The following INSL4 variants were observed in gnomAD, a reference collection of about 807,000 sequenced individuals.
INSL4 encodes early placenta insulin-like peptide.
INSL4 carries 7 observed loss-of-function variants against 6.5 expected under a neutral mutation model. The ratio of observed to expected loss-of-function variants is 1.08; its 90% CI spans 0.61 to 2.02. The LOEUF (loss-of-function observed/expected upper bound fraction) is 2.02, where lower values mean the gene tolerates loss of function less well. Among genes scored for constraint, INSL4 ranks in the 30% most tolerant of loss-of-function variants. INSL4 has a pLI of 0.00. For missense variants in INSL4, 226 were observed against 163.2 expected, an observed-to-expected ratio of 1.38 and a Z score of -2.09; for synonymous variants, 82 against 65.8, an observed-to-expected ratio of 1.25 and a Z score of -1.19.
rs903544950 is a variant in INSL4, at chr9:5,234,188, T to C, written c.*311T>C. 6.7e-6 allele frequency: 2 copies of C among 296,952 alleles called. No homozygotes were observed. Among genetic ancestry groups the C allele is most frequent in the African/African-American group, 4.4e-5 (2 of 45,880 alleles). The allele number at this position is 296,952 out of a possible 1,614,324, so 18.4% of individuals were successfully genotyped here. ...AAAGATGAATGTTAGTTTGGATGCA[T>C]ATCCCAATTACCCTGATTTGATCAT... On this transcript the variant is annotated 3_prime_UTR_variant, in exon 2 of 2. Coordinates refer to ENST00000239316, the MANE Select transcript of INSL4 (RefSeq NM_002195.2).
At chr9:5,232,975 A>G (rs1826170394) in intron 1 of INSL4, among the ~76,000 whole-genome samples, 1 of 152,176 alleles carries the variant, frequency 6.6e-6, no homozygotes, top group African/African-American at 2.4e-5. Flanking sequence ...TCATTTTACT[A>G]TAAAATAAGG....
In INSL4 at chr9:5,231,535, G is replaced by A. The variant is rs1230472874; in HGVS notation, c.12G>A (p.Leu4=). ...AGTTCAGGTCCAGGATGGCCAGCCT[G>A]TTCCGGTCCTATCTGCCAGCAATCT... is the stretch of plus-strand genomic sequence containing the variant. The part of the protein sequence containing the change: MAS[L]FRSYLPAIWL... Residue 4 remains leucine, a synonymous_variant, in exon 1 of 2, where the codon CTG becomes CTA. Coordinates refer to ENST00000239316, the MANE Select transcript of INSL4 (RefSeq NM_002195.2). The A allele has an allele frequency of 3.1e-6, 5 of 1,612,884 alleles. No individual in the cohort carries two copies. Among genetic ancestry groups the A allele is most frequent in the Non-Finnish European group, 4.2e-6 (5 of 1,179,734 alleles).
chr9:5,233,165 G>A (rs1214255500), intron 1 of INSL4, among the ~76,000 whole-genome samples: 4 of 152,060 alleles, frequency 2.6e-5, no homozygotes, highest in African/African-American at 9.7e-5. Context: ...GATAACAAAT[G>A]TTAACATTTG....
rs756259575 is a variant in INSL4 at position 5,233,763 on chromosome 9, A to T, written c.306A>T (p.Pro102=). 9.9e-6 allele frequency: 16 copies of T among 1,613,718 alleles called. No homozygotes were observed. Among genetic ancestry groups the T allele is most frequent in the Non-Finnish European group, 1.4e-5 (16 of 1,179,722 alleles). The part of the protein sequence containing the change: ...ELKKPLSEGQ[P]SLKKIILSRK... ...AGAAACCACTGTCTGAAGGGCAGCC[A>T]TCATTGAAGAAAATAATACTTTCCC... is the stretch of plus-strand genomic sequence containing the variant. The change falls in exon 2 of 2, where the codon CCA becomes CCT. Residue 102 remains proline, a synonymous_variant. Transcript: ENST00000239316.
intron 1 of INSL4, 62 bp downstream of exon 1, chr9:5,231,781 A>G: frequency 7.0e-7 from 1 of 1,432,056 alleles, no homozygotes; most frequent in Non-Finnish European, 9.7e-7. Context: ...TCCAGATCTC[A>G]TTGACTGCCT....
intron 1 of INSL4, among the ~76,000 whole-genome samples, chr9:5,233,361 G>T (rs1015279112): frequency 1.3e-5 from 2 of 152,126 alleles, no homozygotes; most frequent in African/African-American, 2.4e-5. Context: ...AATCAAAACA[G>T]TGTCAGGGAG....
chr9:5,232,507 G>A (rs1826163256), intron 1 of INSL4, among the ~76,000 whole-genome samples: 1 of 152,076 alleles, frequency 6.6e-6, no homozygotes, highest in Admixed American at 6.6e-5. Flanking sequence ...CATCATAGCT[G>A]ATTTGATTAG....
intron 1 of INSL4, 53 bp downstream of exon 1, chr9:5,231,772 C>T: frequency 2.0e-6 from 3 of 1,514,304 alleles, no homozygotes; most frequent in Non-Finnish European, 2.7e-6. Context: ...AAAACAGGCT[C>T]CAGATCTCAT....
intron 1 of INSL4, 75 bp downstream of exon 1, chr9:5,231,794 A>G: frequency 7.6e-7 from 1 of 1,307,294 alleles, no homozygotes; most frequent in Non-Finnish European, 1.1e-6. Context: ...GACTGCCTGT[A>G]GTCAACTCAG....
rs1458609317 is a variant in INSL4 at position 5,234,531 on chromosome 9, A to G, written c.*654A>G. 3 of 152,708 alleles carry G rather than the reference A, an allele frequency of 2.0e-5. No individual in the cohort carries two copies. The highest frequency in any genetic ancestry group is 1.3e-4 in the Admixed American group (2 of 15,260). 9.5% of individuals were successfully genotyped at this position (152,708 alleles called of 1,614,324 possible). ...AGAGACCTCCCTAGAACTTTGCCCA[A>G]TGCATATCCTCCACCTGCCTCTCAG... On this transcript the variant is annotated 3_prime_UTR_variant, in exon 2 of 2. Coordinates refer to ENST00000239316, the MANE Select transcript of INSL4 (RefSeq NM_002195.2).
At position 5,231,711 on chromosome 9, in the gene INSL4, G is replaced by C. The variant is rs202152936; in HGVS notation, c.188G>C (p.Arg63Pro). 6.2e-7 allele frequency: 1 copy of C among 1,613,378 alleles called. No homozygotes were observed. The highest frequency in any genetic ancestry group is 1.1e-5 in the South Asian group (1 of 91,040). Reference protein sequence around the residue: ...TPGGWLLESGRPKEMVSTSNN... With the variant: ...TPGGWLLESGPPKEMVSTSNN... ...GGAGGGTGGCTGCTGGAATCTGGAC[G>C]TCCCAAAGGTGAGAGCCCTGGACTA... Residue 63 changes from arginine to proline, a missense_variant, in exon 1 of 2, where the codon CGT becomes CCT. Transcript: ENST00000239316.
Position 5,231,729 on chromosome 9 carries a change from C to T in INSL4, c.196+10C>T. 6.2e-7 allele frequency: 1 copy of T among 1,611,678 alleles called. No homozygotes were observed. The highest frequency in any genetic ancestry group is 8.5e-7 in the Non-Finnish European group (1 of 1,178,490). ...TCTGGACGTCCCAAAGGTGAGAGCCCTGGACTACCAAACAATCAGAATGAG... is the reference window on the plus strand; with the variant it reads ...TCTGGACGTCCCAAAGGTGAGAGCCTTGGACTACCAAACAATCAGAATGAG... On this transcript the variant is annotated intron_variant, in intron 1 of 1. Transcript: ENST00000239316.
At chr9:5,233,548 T>C (rs1302933414) in intron 1 of INSL4, 106 bp from the exon 2 acceptor site, 2 of 733,638 alleles carry the variant, frequency 2.7e-6, no homozygotes, top group Admixed American at 5.0e-5. Context: ...TTTAATTACA[T>C]GGAGGCAATG....
Position 5,233,705 on chromosome 9 carries a change from C to A in INSL4, c.248C>A (p.Ser83Ter). 6.2e-7 allele frequency: 1 copy of A among 1,613,698 alleles called. No individual in the cohort carries two copies. The highest frequency in any genetic ancestry group is 8.5e-7 in the Non-Finnish European group (1 of 1,179,748). ...GATGGACAAGCCTTAGGTACGACAT[C>A]AGAATTCATTCCTAATTTGTCACCA... ...NKDGQALGTT[S>*]EFIPNLSPEL... The change falls in exon 2 of 2, where the codon TCA (serine) becomes TAA (stop). Residue 83 changes from serine (S) to a stop codon, truncating the protein, a stop_gained. Coordinates refer to ENST00000239316, the MANE Select transcript of INSL4 (RefSeq NM_002195.2). LOFTEE classifies it low-confidence loss of function (END_TRUNC).
At position 5,235,056 on chromosome 9, in the gene INSL4, A is replaced by C. The variant is rs1421675571; in HGVS notation, c.*1179A>C. On this transcript the variant is annotated 3_prime_UTR_variant, in exon 2 of 2. Transcript: ENST00000239316. Reference sequence around the variant, plus strand: ...ATTTCCCTAAGGAAACTGATGGCTGATCTGCATCTTGAAAGACATCTAAGC... The same window carrying C: ...ATTTCCCTAAGGAAACTGATGGCTGCTCTGCATCTTGAAAGACATCTAAGC... The C allele has an allele frequency of 1.3e-5, 2 of 152,468 alleles. No homozygotes were observed. The highest frequency in any genetic ancestry group is 4.8e-5 in the African/African-American group (2 of 41,444). 9.4% of individuals were successfully genotyped at this position (152,468 alleles called of 1,614,324 possible).
At position 5,234,340 on chromosome 9, in the gene INSL4, C is replaced by A. The variant is rs1267785856; in HGVS notation, c.*463C>A. On this transcript the variant is annotated 3_prime_UTR_variant, in exon 2 of 2. Transcript: ENST00000239316. The stretch of plus-strand genomic sequence containing the variant: ...TTACACACATAAACACATACGTTCA[C>A]ACACACTCACTCAAGTCTCTTCATT... The A allele has an allele frequency of 6.3e-6, 1 of 159,078 alleles. No individual in the cohort carries two copies. The highest frequency in any genetic ancestry group is 1.4e-5 in the Non-Finnish European group (1 of 72,676). The allele number at this position is 159,078 out of a possible 1,614,324, so 9.9% of individuals were successfully genotyped here. A position where few individuals can be genotyped will look rare whatever the true frequency, so the allele number is the denominator to read the frequency against.
rs1826149515 is a variant in INSL4 at position 5,231,739 on chromosome 9, A to G, written c.196+20A>G. The stretch of plus-strand genomic sequence containing the variant: ...CCAAAGGTGAGAGCCCTGGACTACC[A>G]AACAATCAGAATGAGGCCTGAAAAA... On this transcript the variant is annotated intron_variant, in intron 1 of 1. Transcript: ENST00000239316. 1 of 1,607,702 alleles carries G rather than the reference A, an allele frequency of 6.2e-7. No individual in the cohort carries two copies. The highest frequency in any genetic ancestry group is 8.5e-7 in the Non-Finnish European group (1 of 1,175,606).
In INSL4 at chr9:5,233,748, G is replaced by A; in HGVS notation, c.291G>A (p.Leu97=). The A allele has an allele frequency of 6.2e-7, 1 of 1,613,680 alleles. No individual in the cohort carries two copies. The highest frequency in any genetic ancestry group is 8.5e-7 in the Non-Finnish European group (1 of 1,179,716). ...TGTCACCAGAGCTGAAGAAACCACT[G>A]TCTGAAGGGCAGCCATCATTGAAGA... The part of the protein sequence containing the change: ...PNLSPELKKP[L]SEGQPSLKKI... The change falls in exon 2 of 2, where the codon CTG becomes CTA. Residue 97 remains leucine (L), a synonymous_variant. Coordinates refer to ENST00000239316, the MANE Select transcript of INSL4 (RefSeq NM_002195.2).
chr9:5,231,708 G>T lies in INSL4; in HGVS notation c.185G>T (p.Gly62Val), dbSNP rs1264100669. The T allele has an allele frequency of 6.2e-7, 1 of 1,613,626 alleles. No individual in the cohort carries two copies. Among genetic ancestry groups the T allele is most frequent in the Non-Finnish European group, 8.5e-7 (1 of 1,179,760 alleles). ...TTPGGWLLES[G>V]RPKEMVSTSN... ...CCAGGAGGGTGGCTGCTGGAATCTG[G>T]ACGTCCCAAAGGTGAGAGCCCTGGA... Residue 62 changes from glycine (G) to valine (V), a missense_variant, in exon 1 of 2, where the codon GGA (glycine) becomes GTA (valine). Gly to Val is a moderately radical substitution (Grantham distance 109). Transcript: ENST00000239316.
Sources: gnomAD v4.1 joint callset for allele counts (sites outside exome capture counted in the v4.1 genomes callset) on GRCh38, gnomAD v4.1.1 for gene constraint, MANE v1.5 for transcripts, NCBI Gene and HGNC (gene_info 2026-07-23, HGNC 2026-07-21) for gene names.